Variants in ZMYND12 observed in about 807,000 individuals in gnomAD.
ZMYND12 encodes zinc finger MYND domain-containing protein 12.
In ZMYND12, 32 loss-of-function variants were observed where a neutral mutation model predicts 41.7. The observed-to-expected ratio is 0.77, with a 90% CI of 0.58 to 1.03. The LOEUF (loss-of-function observed/expected upper bound fraction) is 1.03. Ranked by LOEUF, ZMYND12 falls within the 50% of genes least tolerant of loss-of-function variation. The pLI, the probability that ZMYND12 is intolerant of heterozygous loss-of-function variation, is 0.00. For synonymous variants in ZMYND12, 148 were observed against 164.8 expected, an observed-to-expected ratio of 0.90 and a Z score of 0.78; for missense variants, 424 against 438.5, an observed-to-expected ratio of 0.97 and a Z score of 0.30.
intron 5 of ZMYND12, among the ~76,000 whole-genome samples, chr1:42,436,002 T>C (rs1205757880): frequency 6.6e-6 from 1 of 152,230 alleles, no homozygotes; most frequent in Non-Finnish European, 1.5e-5. Flanking sequence ...ATATTTTACA[T>C]GTAAATATGG....
At chr1:42,447,097 ATC>A (rs1643032120) in intron 3 of ZMYND12, among the ~76,000 whole-genome samples, 1 of 152,252 alleles carries the variant, frequency 6.6e-6, no homozygotes, top group South Asian at 2.1e-4. Flanking sequence ...CAAAGGACGT[ATC>A]CATGAAATGA....
chr1:42,436,661 G>A, intron 4 of ZMYND12, 118 bp from the exon 5 acceptor site: 4 of 1,224,130 alleles, frequency 3.3e-6, no homozygotes, highest in South Asian at 3.1e-5. Context: ...TTTAAAAATG[G>A]GCAAAAGATC....
intron 1 of ZMYND12, among the ~76,000 whole-genome samples, chr1:42,454,422 C>T (rs1324069535): frequency 6.6e-6 from 1 of 152,168 alleles, no homozygotes; most frequent in Admixed American, 6.5e-5. Context: ...AGGGGACATA[C>T]TCAGTGCTTT....
At chr1:42,454,091 T>G (rs1043576919) in intron 1 of ZMYND12, among the ~76,000 whole-genome samples, 2 of 152,066 alleles carry the variant, frequency 1.3e-5, no homozygotes, top group Non-Finnish European at 2.9e-5. Flanking sequence ...GGAAGGCTTG[T>G]AGTTGAAGGG....
At chr1:42,443,971 T>C (rs1642996247) in intron 3 of ZMYND12, among the ~76,000 whole-genome samples, 3 of 152,098 alleles carry the variant, frequency 2.0e-5, no homozygotes, top group African/African-American at 7.2e-5. Flanking sequence ...CAAGCAATCC[T>C]CCCACCTCAG....
chr1:42,441,577 C>CT (rs973693576), intron 3 of ZMYND12, among the ~76,000 whole-genome samples: 3 of 151,792 alleles, frequency 2.0e-5, no homozygotes, highest in African/African-American at 4.8e-5. Flanking sequence ...TACATTTTTT[C>CT]TTTTTTTGTT....
intron 4 of ZMYND12, among the ~76,000 whole-genome samples, chr1:42,438,730 T>C (rs1003542529): frequency 1.2e-4 from 18 of 152,066 alleles, no homozygotes; most frequent in Non-Finnish European, 2.4e-4. Context: ...ATTTAAAGAA[T>C]AACCAGCGTA....
Position 42,430,753 on chromosome 1 carries a change from C to T in ZMYND12, c.1081G>A (p.Asp361Asn). 6.2e-7 allele frequency: 1 copy of T among 1,614,140 alleles called. No individual in the cohort carries two copies. Among genetic ancestry groups the T allele is most frequent in the East Asian group, 2.2e-5 (1 of 44,878 alleles). ...QELLSLISTE[D>N]HPIT ...ATGGGTCACTAAGTAATGGGATGGTCTTCAGTTGAAATGAGACTTAATAAC... is the reference window on the plus strand; with the variant it reads ...ATGGGTCACTAAGTAATGGGATGGTTTTCAGTTGAAATGAGACTTAATAAC... Residue 361 changes from aspartate (D) to asparagine (N), a missense_variant, in exon 8 of 8, where the codon GAC becomes AAC. By Grantham distance (23) the Asp-to-Asn change is conservative. Transcript: ENST00000372565.
In ZMYND12 at chr1:42,436,530, C is replaced by A. The variant is rs1322139809; in HGVS notation, c.608G>T (p.Ser203Ile). 9.3e-6 allele frequency: 15 copies of A among 1,613,122 alleles called. No homozygotes were observed. The highest frequency in any genetic ancestry group is 1.3e-5 in the Non-Finnish European group (15 of 1,179,244). ...AATGTCCTCTGTTCCAAATGCACAA[C>A]TGGCAAAATAAATCTATAGCAGAAG... ...YHLANDIYFASCAFGTEDIRT... is the reference protein window; with the variant it reads ...YHLANDIYFAICAFGTEDIRT... Residue 203 changes from serine (S) to isoleucine (I), a missense_variant, in exon 5 of 8, where the codon AGT becomes ATT. Ser to Ile is a moderately radical substitution (Grantham distance 142). Transcript: ENST00000372565.
Position 42,436,436 on chromosome 1 carries a change from G to A in ZMYND12, c.702C>T (p.Asp234=). 1 of 1,613,424 alleles carries A rather than the reference G, an allele frequency of 6.2e-7. No homozygotes were observed. Among genetic ancestry groups the A allele is most frequent in the South Asian group, 1.1e-5 (1 of 91,076 alleles). The change falls in exon 5 of 8, where the codon GAC becomes GAT. Residue 234 remains aspartate (D), a synonymous_variant. Coordinates refer to ENST00000372565, the MANE Select transcript of ZMYND12 (RefSeq NM_032257.5). ...CCCAGCTCACCTTGGTGTACAATGT[G>A]TCTGCCAGGTCCAACTTTTTAAGGT... ...FYDLKKLDLA[D]TLYTKVSEIW... is the part of the protein sequence containing the mutation.
At chr1:42,441,414 A>T (rs1409879755) in intron 3 of ZMYND12, among the ~76,000 whole-genome samples, 7 of 152,216 alleles carry the variant, frequency 4.6e-5, no homozygotes, top group African/African-American at 1.4e-4. Flanking sequence ...AAGGATGCTC[A>T]AGGCTCTAAT....
intron 3 of ZMYND12, among the ~76,000 whole-genome samples, chr1:42,442,819 G>A (rs907994529): frequency 6.6e-6 from 1 of 152,190 alleles, no homozygotes; most frequent in African/African-American, 2.4e-5. Flanking sequence ...GAAGAAGGAA[G>A]TAACTTTGCC....
rs560962209 is a variant in ZMYND12 at position 42,431,534 on chromosome 1, T to G, written c.976-676A>C. Among the ~76,000 whole-genome samples the G allele has an allele frequency of 2.0e-5, 3 of 152,234 alleles. No individual in the cohort carries two copies. The East Asian group carries it at 5.8e-4, about 29-fold the overall frequency. ...TTTAGACAGGGAGAGCAGGGAACGC[T>G]TCACTGAAAAGAAAACAGCTGAGTC... On this transcript the variant is annotated intron_variant, in intron 7 of 7. Transcript: ENST00000372565.
At chr1:42,431,245 A>G (rs1642845706) in intron 7 of ZMYND12, among the ~76,000 whole-genome samples, 1 of 152,110 alleles carries the variant, frequency 6.6e-6, no homozygotes, top group Admixed American at 6.5e-5. Context: ...TTTGACTTGG[A>G]AAGAGGCTCC....
Position 42,449,991 on chromosome 1 carries a change from A to G in ZMYND12, c.179T>C (p.Leu60Pro). ...ATTGTAGAAGGGCATGGAAGTGCGC[A>G]GTGGAATCAAGAGCTGACATATTTT... The part of the protein sequence containing the change: ...HEKICQLLIP[L>P]RTSMPFYNSE... The change falls in exon 2 of 8, where the codon CTG becomes CCG. Residue 60 changes from leucine (L) to proline (P), a missense_variant. Coordinates refer to ENST00000372565, the MANE Select transcript of ZMYND12 (RefSeq NM_032257.5). 6.2e-7 allele frequency: 1 copy of G among 1,614,018 alleles called. No homozygotes were observed. The highest frequency in any genetic ancestry group is 8.5e-7 in the Non-Finnish European group (1 of 1,180,046).
At chr1:42,449,860 G>A in intron 2 of ZMYND12, 58 bp downstream of exon 2, 3 of 1,595,046 alleles carry the variant, frequency 1.9e-6, no homozygotes, top group Non-Finnish European at 2.6e-6. Context: ...TTCGAGCCTT[G>A]TCTTGGGCAG....
intron 1 of ZMYND12, among the ~76,000 whole-genome samples, chr1:42,454,865 G>A (rs1007496919): frequency 2.8e-4 from 43 of 151,800 alleles, no homozygotes; most frequent in African/African-American, 1.0e-3. Flanking sequence ...CACCACATCC[G>A]GCTAATTTTG....
intron 4 of ZMYND12, among the ~76,000 whole-genome samples, chr1:42,439,305 C>T (rs539346096): frequency 6.1e-5 from 9 of 148,392 alleles, no homozygotes; most frequent in South Asian, 2.2e-4. Context: ...CTTGCTCTGT[C>T]GCCAGGCTGG....
At chr1:42,447,285 C>A (rs1643034277) in intron 3 of ZMYND12, among the ~76,000 whole-genome samples, 1 of 152,050 alleles carries the variant, frequency 6.6e-6, no homozygotes, top group Non-Finnish European at 1.5e-5. Context: ...CTGTTTTTGC[C>A]AAAAATCCAT....
Sources: allele counts gnomAD v4.1 joint callset (sites outside exome capture counted in the v4.1 genomes callset), GRCh38; gene constraint gnomAD v4.1.1; transcripts MANE v1.5; gene names NCBI Gene and HGNC (gene_info 2026-07-23, HGNC 2026-07-21).